The following HNRNPUL1 variants were observed in gnomAD, a reference collection of about 807,000 sequenced individuals.
HNRNPUL1 encodes the protein heterogeneous nuclear ribonucleoprotein U-like protein 1.
A neutral mutation model predicts 108.5 loss-of-function variants in HNRNPUL1; 14 were observed. The observed-to-expected ratio is 0.13, with a 90% CI of 0.09 to 0.20. The LOEUF is 0.20. HNRNPUL1 is among the 10% of genes least tolerant of loss of function. The probability of loss-of-function intolerance (pLI) is 1.00; values close to 1 mark genes in which losing one functional copy is unlikely to be tolerated. For synonymous variants in HNRNPUL1, 422 were observed against 445.2 expected (o/e 0.95, Z 0.66); for missense variants, 804 against 1,168.3 (o/e 0.69, Z 4.55).
intron 5 of HNRNPUL1, chr19:41,278,521 TCA>T (rs1318363971): frequency 6.6e-6 from 1 of 152,344 alleles, no homozygotes; most frequent in Non-Finnish European, 1.5e-5. Flanking sequence ...ACAAATACAG[TCA>T]CACATACGTA....
chr19:41,281,482 A>G (rs2035895997), intron 7 of HNRNPUL1, among the ~76,000 whole-genome samples: 1 of 152,030 alleles, frequency 6.6e-6, no homozygotes, highest in Admixed American at 6.6e-5. Flanking sequence ...CAAAGTTTTC[A>G]GATGACACCC....
intron 7 of HNRNPUL1, among the ~76,000 whole-genome samples, chr19:41,282,654 G>A (rs913214416): frequency 2.0e-5 from 3 of 151,474 alleles, no homozygotes; most frequent in Non-Finnish European, 2.9e-5. Context: ...TGTTTGAATT[G>A]CACTGGTTCA....
At chr19:41,278,455 A>G (rs1294311989) in intron 5 of HNRNPUL1, 1 of 151,928 alleles carries the variant, frequency 6.6e-6, no homozygotes, top group Non-Finnish European at 1.5e-5. Context: ...TAAAATATAT[A>G]TATATATATA....
intron 2 of HNRNPUL1, among the ~76,000 whole-genome samples, chr19:41,271,685 T>C (rs2035249010): frequency 6.6e-6 from 1 of 152,204 alleles, no homozygotes; most frequent in South Asian, 2.1e-4. Flanking sequence ...TTATTGCACC[T>C]ATGGGATGGC....
chr19:41,290,289 A>G (rs1205156018), intron 7 of HNRNPUL1, among the ~76,000 whole-genome samples: 2 of 152,200 alleles, frequency 1.3e-5, no homozygotes, highest in African/African-American at 2.4e-5. Context: ...CATTTAGAAA[A>G]ATATTTAACA....
At chr19:41,265,471 C>T in intron 1 of HNRNPUL1, 3 of 1,202,902 alleles carry the variant, frequency 2.5e-6, no homozygotes, top group Non-Finnish European at 3.3e-6. Flanking sequence ...TAGGGGGCAC[C>T]CCCATCTCTC....
chr19:41,289,196 T>C (rs2036435452), intron 7 of HNRNPUL1, among the ~76,000 whole-genome samples: 1 of 152,198 alleles, frequency 6.6e-6, no homozygotes, highest in Admixed American at 6.5e-5. Context: ...CATCCAGTCT[T>C]AAGATTCCTT....
intron 6 of HNRNPUL1, among the ~76,000 whole-genome samples, chr19:41,280,738 C>T (rs895744460): frequency 6.6e-6 from 1 of 152,162 alleles, no homozygotes; most frequent in African/African-American, 2.4e-5. Context: ...AGTACCTTTC[C>T]CAGGGGTCAG....
At position 41,302,785 on chromosome 19, in the gene HNRNPUL1, C is replaced by T; in HGVS notation, c.1808C>T (p.Pro603Leu). 20 of 1,612,140 alleles carry T rather than the reference C, an allele frequency of 1.2e-5. No individual in the cohort carries two copies. Among genetic ancestry groups the T allele is most frequent in the Non-Finnish European group, 1.6e-5 (19 of 1,178,474 alleles). The change falls in exon 12 of 15, where the codon CCA becomes CTA. Residue 603 changes from proline (P) to leucine (L), a missense_variant. Around this residue, in one of 4 missense-constraint regions of HNRNPUL1, gnomAD observed 294 missense variants for 388.3 expected, o/e 0.76. Coordinates refer to ENST00000392006, the MANE Select transcript of HNRNPUL1 (RefSeq NM_007040.6). ...QYNEEGRKAG[P>L]PPEKRFDNRG... ...AACGAGGAAGGCCGCAAGGCTGGGC[C>T]ACCCCCTGAAAAGCGCTTTGACAAC... is the stretch of plus-strand genomic sequence containing the variant.
chr19:41,272,464 T>TA (rs1460625805), intron 3 of HNRNPUL1: 1 of 450,630 alleles, frequency 2.2e-6, no homozygotes, highest in Non-Finnish European at 4.0e-6. Flanking sequence ...CTAAATATCT[T>TA]AGACTTTCAC....
chr19:41,287,522 G>T (rs762119526), intron 7 of HNRNPUL1, among the ~76,000 whole-genome samples: 2 of 152,076 alleles, frequency 1.3e-5, no homozygotes, highest in Non-Finnish European at 2.9e-5. Context: ...GCCTGAAACA[G>T]TTTCTCAGCC....
chr19:41,282,720 C>T (rs1225723716), intron 7 of HNRNPUL1, among the ~76,000 whole-genome samples: 1 of 143,656 alleles, frequency 7.0e-6, no homozygotes, highest in Non-Finnish European at 1.5e-5. Flanking sequence ...GACGGAGTCT[C>T]GCTCTGTCGC....
At chr19:41,281,340 G>A in intron 7 of HNRNPUL1, 65 bp downstream of exon 7, 1 of 1,052,396 alleles carries the variant, frequency 9.5e-7, no homozygotes. Context: ...TCTTTTTCAG[G>A]ATACCTCTAT....
rs939749345 is a variant in HNRNPUL1, at chr19:41,264,448, G to T, written c.-56G>T. The T allele has an allele frequency of 9.1e-6, 12 of 1,319,024 alleles. No individual in the cohort carries two copies. The highest frequency in any genetic ancestry group is 1.2e-5 in the Non-Finnish European group (12 of 1,028,120). 81.7% of individuals were successfully genotyped at this position (1,319,024 alleles called of 1,614,324 possible). ...CCTCCTGACAGGAAAGGTTTAAGGGGGACAGAGCCCTGGGAGGCCGGGCCG... is the reference window on the plus strand; with the variant it reads ...CCTCCTGACAGGAAAGGTTTAAGGGTGACAGAGCCCTGGGAGGCCGGGCCG... On this transcript the variant is annotated 5_prime_UTR_variant, in exon 1 of 15. Transcript: ENST00000392006.
upstream of HNRNPUL1, among the ~76,000 whole-genome samples, chr19:41,264,133 C>A (rs2034652669): frequency 1.3e-5 from 2 of 152,242 alleles, no homozygotes; most frequent in Non-Finnish European, 2.9e-5. Flanking sequence ...CGAGAGTTAC[C>A]CAATCAGCAA....
rs944538863 is a variant in HNRNPUL1, at chr19:41,292,783, G to T, written c.1266+272G>T. ...TGAGGCCAGAATAGGGGAAAAGGAG[G>T]CTTTTCTTACAGCAGAAAAGGACAC... On this transcript the variant is annotated intron_variant, in intron 8 of 14. Coordinates refer to ENST00000392006, the MANE Select transcript of HNRNPUL1 (RefSeq NM_007040.6). The surrounding 1 kb of genome is among the most constrained non-coding windows in gnomAD (Gnocchi z 4.1). 1.6e-4 allele frequency among the ~76,000 whole-genome samples: 25 copies of T among 152,124 alleles called. No homozygotes were observed. The highest frequency in any genetic ancestry group is 6.0e-4 in the African/African-American group (25 of 41,426).
intron 3 of HNRNPUL1, among the ~76,000 whole-genome samples, chr19:41,273,295 C>A (rs954589968): frequency 1.3e-5 from 2 of 152,314 alleles, no homozygotes; most frequent in South Asian, 4.1e-4. Context: ...GGAGAGTCAG[C>A]AGCCAAATGG....
intron 5 of HNRNPUL1, among the ~76,000 whole-genome samples, 197 bp from the exon 6 acceptor site, chr19:41,278,880 C>T (rs2035735543): frequency 6.6e-6 from 1 of 152,186 alleles, no homozygotes; most frequent in Admixed American, 6.6e-5. Flanking sequence ...CTCTGTGGCC[C>T]TGTACTCTAC....
intron 6 of HNRNPUL1, among the ~76,000 whole-genome samples, chr19:41,280,529 AG>A (rs1162017578): frequency 6.6e-6 from 1 of 152,310 alleles, no homozygotes; most frequent in Non-Finnish European, 1.5e-5. Context: ...ACAGCCCAGG[AG>A]GTCAAGCACC....
Sources: gnomAD v4.1 joint callset for allele counts (sites outside exome capture counted in the v4.1 genomes callset) on GRCh38, gnomAD v4.1.1 for gene constraint, gnomAD v4.1.1 regional missense constraint, Gnocchi (gnomAD v3.1) non-coding constraint, MANE v1.5 for transcripts, NCBI Gene and HGNC (gene_info 2026-07-23, HGNC 2026-07-21) for gene names.